Variants in FLNC observed in about 807,000 individuals in gnomAD.
FLNC encodes filamin C, also known as filamin-C.
A neutral mutation model predicts 254.3 loss-of-function variants in FLNC; 91 were observed. The ratio of observed to expected loss-of-function variants is 0.36; its 90% confidence interval spans 0.30 to 0.43. FLNC has a LOEUF of 0.43. FLNC is among the 20% of genes least tolerant of loss of function. The probability of loss-of-function intolerance (pLI) is 1.00; values close to 1 mark genes in which losing one functional copy is unlikely to be tolerated. For synonymous variants in FLNC, 1,430 were observed against 1,577.2 expected, an observed-to-expected ratio of 0.91 and a Z score of 2.21; for missense variants, 2,853 against 3,802.6, an observed-to-expected ratio of 0.75 and a Z score of 6.57.
intron 31 of FLNC, 89 bp from the exon 32 acceptor site, chr7:128,850,295 T>G: frequency 8.6e-7 from 1 of 1,164,640 alleles, no homozygotes; most frequent in South Asian, 1.2e-5. Context: ...ACTACCTTGT[T>G]CTTTCCTCAC....
At chr7:128,850,554 T>G (rs1450730013) in intron 32 of FLNC, 71 bp downstream of exon 32, 1 of 1,376,344 alleles carries the variant, frequency 7.3e-7, no homozygotes, top group Non-Finnish European at 1.0e-6. Flanking sequence ...TCCTGTGTCT[T>G]AATGATGAAA....
Position 128,853,452 on chromosome 7 carries a change from T to C in FLNC, c.6209-17T>C. The C allele has an allele frequency of 6.2e-7, 1 of 1,613,692 alleles. No homozygotes were observed. The highest frequency in any genetic ancestry group is 1.1e-5 in the South Asian group (1 of 91,050). On this transcript the variant is annotated splice_polypyrimidine_tract_variant and intron_variant, in intron 37 of 47. Coordinates refer to ENST00000325888, the MANE Select transcript of FLNC (RefSeq NM_001458.5). Reference sequence around the variant, plus strand: ...CAGCCTAGGACTGAGGGAGATGTGTTCCTTGCTTTCCCCCAGGTTATGGGG... The same window carrying C: ...CAGCCTAGGACTGAGGGAGATGTGTCCCTTGCTTTCCCCCAGGTTATGGGG...
In FLNC at chr7:128,842,190, A is replaced by G. The variant is rs760866662; in HGVS notation, c.2122-41A>G. 1 of 1,608,382 alleles carries G rather than the reference A, an allele frequency of 6.2e-7. No individual in the cohort carries two copies. Among genetic ancestry groups the G allele is most frequent in the Non-Finnish European group, 8.5e-7 (1 of 1,176,702 alleles). On this transcript the variant is annotated intron_variant, in intron 13 of 47. Coordinates refer to ENST00000325888, the MANE Select transcript of FLNC (RefSeq NM_001458.5). This position sits in a 1 kb window ranked among gnomAD's most constrained non-coding sequence, Gnocchi z 5.4. ...CTGCGGCCAGCAGAGGGCGCTCTGC[A>G]GAGGCCACAGCTATGAACTTTGCTT...
intron 1 of FLNC, among the ~76,000 whole-genome samples, chr7:128,833,195 C>T (rs1297659001): frequency 1.3e-5 from 2 of 151,696 alleles, no homozygotes; most frequent in Non-Finnish European, 2.9e-5. Context: ...TGAGGCAGCT[C>T]TGTCTCGCAG....
At position 128,848,787 on chromosome 7, in the gene FLNC, C is replaced by T. The variant is rs771410017; in HGVS notation, c.4738-6C>T. 36 of 1,614,044 alleles carry T rather than the reference C, an allele frequency of 2.2e-5. 1 individual carries two copies. In the Admixed American group the frequency reaches 5.5e-4, roughly 25 times the overall value. ...AGGCGGGCCTTGACCTCTGCTTCTCCCTCAGGACCCCGAGGGTAAGCCCAA... is the reference window on the plus strand; with the variant it reads ...AGGCGGGCCTTGACCTCTGCTTCTCTCTCAGGACCCCGAGGGTAAGCCCAA... On this transcript the variant is annotated splice_polypyrimidine_tract_variant and splice_region_variant and intron_variant, in intron 27 of 47. Coordinates refer to ENST00000325888, the MANE Select transcript of FLNC (RefSeq NM_001458.5).
rs921547897 is a variant in FLNC, at chr7:128,835,736, G to A, written c.601+162G>A. Among the ~76,000 whole-genome samples, 1 of 152,216 alleles carries A rather than the reference G, an allele frequency of 6.6e-6. No individual in the cohort carries two copies. The highest frequency in any genetic ancestry group is 1.5e-5 in the Non-Finnish European group (1 of 68,028). On this transcript the variant is annotated intron_variant, in intron 2 of 47. Coordinates refer to ENST00000325888, the MANE Select transcript of FLNC (RefSeq NM_001458.5). The surrounding 1 kb of genome is among the most constrained non-coding windows in gnomAD (Gnocchi z 5.3). ...CTCCTCCAGCTGTGGCTCTCCGCTG[G>A]CTGGTGGCAGGCCCTACCTGATGAG...
In FLNC at chr7:128,853,517, T is replaced by C. The variant is rs1808913302; in HGVS notation, c.6257T>C (p.Ile2086Thr). ...ATTGAAGGCCCAAGCAAGGTGGACA[T>C]CAACTGTGAGGACATGGAGGACGGG... The part of the protein sequence containing the change: ...LSIEGPSKVD[I>T]NCEDMEDGTC... Residue 2086 changes from isoleucine to threonine, a missense_variant, in exon 38 of 48, where the codon ATC (isoleucine) becomes ACC (threonine). Ile to Thr is a moderately conservative substitution (Grantham distance 89, BLOSUM62 -1). Around this residue, in one of 10 missense-constraint regions of FLNC, gnomAD observed 551 missense variants for 835.0 expected, o/e 0.66. Coordinates refer to ENST00000325888, the MANE Select transcript of FLNC (RefSeq NM_001458.5). The C allele has an allele frequency of 6.2e-7, 1 of 1,613,932 alleles. No individual in the cohort carries two copies. The highest frequency in any genetic ancestry group is 8.5e-7 in the Non-Finnish European group (1 of 1,179,980).
At chr7:128,855,004 C>A in intron 42 of FLNC, 92 bp downstream of exon 42, 1 of 1,398,536 alleles carries the variant, frequency 7.2e-7, no homozygotes, top group Non-Finnish European at 1.0e-6. Context: ...CTTGGGGCCA[C>A]AGAACTCCCC....
At chr7:128,851,773 G>A (rs1171361637) in intron 35 of FLNC, 145 bp downstream of exon 35, 8 of 822,648 alleles carry the variant, frequency 9.7e-6, no homozygotes, top group Non-Finnish European at 1.6e-5. Context: ...TTTGATAAAT[G>A]TAAAAACACT....
At position 128,850,855 on chromosome 7, in the gene FLNC, C is replaced by G. The variant is rs762869314; in HGVS notation, c.5451C>G (p.Asn1817Lys). 6.2e-7 allele frequency: 1 copy of G among 1,613,642 alleles called. No homozygotes were observed. ...GKTARPNITD[N>K]KDGTITVRYA... The stretch of plus-strand genomic sequence containing the variant: ...CGGCACGGCCCAACATCACCGACAA[C>G]AAGGACGGCACCATCACGGTGAGGT... Residue 1817 changes from asparagine (N) to lysine (K), a missense_variant, in exon 33 of 48, where the codon AAC becomes AAG. Physicochemically the swap from Asn to Lys is moderately conservative, Grantham distance 94 (BLOSUM62 0). Coordinates refer to ENST00000325888, the MANE Select transcript of FLNC (RefSeq NM_001458.5).
intron 43 of FLNC, among the ~76,000 whole-genome samples, chr7:128,855,774 C>T (rs1809029378): frequency 6.6e-6 from 1 of 152,236 alleles, no homozygotes. Context: ...CTTGCTTTCT[C>T]TTGCTGCTGA....
At chr7:128,832,201 C>G (rs1807919721) in intron 1 of FLNC, among the ~76,000 whole-genome samples, 1 of 152,182 alleles carries the variant, frequency 6.6e-6, no homozygotes, top group Admixed American at 6.5e-5. Flanking sequence ...GCCCTTACCC[C>G]CTCCTGCCCC....
At chr7:128,853,878 G>T (rs1726135661) in intron 39 of FLNC, 41 bp downstream of exon 39, 1 of 1,613,036 alleles carries the variant, frequency 6.2e-7, no homozygotes, top group Non-Finnish European at 8.5e-7. Context: ...GGTGGTGGGA[G>T]AGGGCTGGCC....
In FLNC at chr7:128,849,958, C is replaced by A. The variant is rs372184893; in HGVS notation, c.5200-18C>A. On this transcript the variant is annotated intron_variant, in intron 30 of 47. Transcript: ENST00000325888. The stretch of plus-strand genomic sequence containing the variant: ...GTGAGGCTGCCACACCCTGTGCCCC[C>A]GTGCCTTGCCTCCCCAGGCGTGTGA... 1 of 1,557,256 alleles carries A rather than the reference C, an allele frequency of 6.4e-7. No homozygotes were observed. Among genetic ancestry groups the A allele is most frequent in the East Asian group, 2.3e-5 (1 of 43,974 alleles).
intron 31 of FLNC, 141 bp from the exon 32 acceptor site, chr7:128,850,243 T>G (rs936931493): frequency 1.1e-6 from 1 of 931,904 alleles, no homozygotes; most frequent in Non-Finnish European, 1.7e-6. Context: ...CTCCTTCTCT[T>G]GCAGCTGACG....
At position 128,843,485 on chromosome 7, in the gene FLNC, G is replaced by T. The variant is rs745905900; in HGVS notation, c.2719G>T (p.Ala907Ser). ...AGKAKLDVQF[A>S]GTAKGEVVRD... Reference sequence around the variant, plus strand: ...CAAGGCCAAGCTGGATGTGCAGTTTGCAGGGACAGCCAAGGGCGAGGTTGT... The same window carrying T: ...CAAGGCCAAGCTGGATGTGCAGTTTTCAGGGACAGCCAAGGGCGAGGTTGT... The change falls in exon 18 of 48, where the codon GCA becomes TCA. Residue 907 changes from alanine (A) to serine (S), a missense_variant. Around this residue, in one of 10 missense-constraint regions of FLNC, gnomAD observed 1,573 missense variants for 1,883.5 expected, o/e 0.84. Coordinates refer to ENST00000325888, the MANE Select transcript of FLNC (RefSeq NM_001458.5). 2 of 1,614,136 alleles carry T rather than the reference G, an allele frequency of 1.2e-6. No homozygotes were observed. The highest frequency in any genetic ancestry group is 1.1e-5 in the South Asian group (1 of 91,092).
chr7:128,843,622 A>G, intron 18 of FLNC, 45 bp downstream of exon 18: 1 of 1,607,854 alleles, frequency 6.2e-7, no homozygotes, highest in Non-Finnish European at 8.5e-7. Context: ...GGCCCGCCAG[A>G]GCCCTGGGTC....
intron 28 of FLNC, 56 bp from the exon 29 acceptor site, chr7:128,849,125 C>A: frequency 6.3e-7 from 1 of 1,597,080 alleles, no homozygotes; most frequent in Non-Finnish European, 8.5e-7. Flanking sequence ...CACCCCCGCC[C>A]AATGCCCCAG....
At position 128,841,272 on chromosome 7, in the gene FLNC, C is replaced by T; in HGVS notation, c.1916C>T (p.Ala639Val). ...TGGCCCACGGAGCCTGGGGAGTACGCTGTGCACGTCATCTGTGACGATGAG... is the reference window on the plus strand; with the variant it reads ...TGGCCCACGGAGCCTGGGGAGTACGTTGTGCACGTCATCTGTGACGATGAG... ...RYWPTEPGEY[A>V]VHVICDDEDI... is the part of the protein sequence containing the mutation. The change falls in exon 12 of 48, where the codon GCT becomes GTT. Residue 639 changes from alanine (A) to valine (V), a missense_variant. Coordinates refer to ENST00000325888, the MANE Select transcript of FLNC (RefSeq NM_001458.5). The surrounding 1 kb of genome is among the most constrained non-coding windows in gnomAD (Gnocchi z 4.3). The T allele has an allele frequency of 6.2e-7, 1 of 1,614,128 alleles. No individual in the cohort carries two copies. The highest frequency in any genetic ancestry group is 8.5e-7 in the Non-Finnish European group (1 of 1,180,006).
Sources: allele counts gnomAD v4.1 joint callset (sites outside exome capture counted in the v4.1 genomes callset), GRCh38; gene constraint gnomAD v4.1.1; regional missense constraint gnomAD v4.1.1; non-coding constraint Gnocchi (gnomAD v3.1); transcripts MANE v1.5; gene names NCBI Gene and HGNC (gene_info 2026-07-23, HGNC 2026-07-21).